CDH17: variants seen among roughly 807,000 people sequenced by gnomAD.
CDH17 encodes cadherin 17, also known as cadherin-17.
In CDH17, 67 loss-of-function variants were observed where a neutral mutation model predicts 86.3. The observed-to-expected ratio is 0.78, with a 90% CI of 0.64 to 0.95. The LOEUF (loss-of-function observed/expected upper bound fraction) is 0.95. CDH17 is among the 40% of genes least tolerant of loss of function. CDH17 has a pLI of 0.00. For missense variants in CDH17, 993 were observed against 1,017.6 expected, an observed-to-expected ratio of 0.98 and a Z score of 0.33; for synonymous variants, 367 against 366.4, an observed-to-expected ratio of 1.00 and a Z score of -0.02.
At chr8:94,201,504 A>C (rs111528745) in intron 1 of CDH17, among the ~76,000 whole-genome samples, 110 of 152,336 alleles carry the variant, frequency 7.2e-4, no homozygotes, top group Middle Eastern at 6.8e-3. Flanking sequence ...CACTGTGTGA[A>C]TGTACAGACA....
intron 15 of CDH17, among the ~76,000 whole-genome samples, chr8:94,145,704 C>T (rs1018240786): frequency 6.6e-6 from 1 of 151,710 alleles, no homozygotes; most frequent in African/African-American, 2.4e-5. Flanking sequence ...TCCAACTGTT[C>T]ATCTACACCA....
chr8:94,144,653 G>T (rs944252611), intron 15 of CDH17, among the ~76,000 whole-genome samples: 2 of 151,760 alleles, frequency 1.3e-5, no homozygotes, highest in African/African-American at 4.9e-5. Context: ...TACAAATCAT[G>T]AATAAAACAT....
intron 15 of CDH17, among the ~76,000 whole-genome samples, chr8:94,140,369 G>A (rs777745930): frequency 1.3e-5 from 2 of 152,146 alleles, no homozygotes; most frequent in Non-Finnish European, 2.9e-5. Flanking sequence ...ATTCAAGGCT[G>A]CAGTAAGCCA....
At position 94,171,122 on chromosome 8, in the gene CDH17, G is replaced by T. The variant is rs148660893; in HGVS notation, c.784-137C>A. ...TGGTTTCTTGTAACAACTGAATTAC[G>T]TTTTTCACTTTTAACCTAAAATAAG... On this transcript the variant is annotated intron_variant, in intron 7 of 17. Coordinates refer to ENST00000027335, the MANE Select transcript of CDH17 (RefSeq NM_004063.4). 17 of 873,972 alleles carry T rather than the reference G, an allele frequency of 1.9e-5. No homozygotes were observed. In the South Asian group the frequency reaches 3.9e-4, roughly 20 times the overall value. 54.1% of individuals were successfully genotyped at this position (873,972 alleles called of 1,614,324 possible).
intron 10 of CDH17, among the ~76,000 whole-genome samples, chr8:94,162,841 T>G (rs1813081093): frequency 6.6e-6 from 1 of 151,948 alleles, no homozygotes; most frequent in Non-Finnish European, 1.5e-5. Context: ...GTGTGTGGAG[T>G]GCAGGTGGGG....
At position 94,128,242 on chromosome 8, in the gene CDH17, A is replaced by G. The variant is rs1812339041; in HGVS notation, c.2497T>C (p.Ter833ArgextTer2). 1 of 1,599,276 alleles carries G rather than the reference A, an allele frequency of 6.3e-7. No individual in the cohort carries two copies. Among genetic ancestry groups the G allele is most frequent in the Non-Finnish European group, 8.6e-7 (1 of 1,167,064 alleles). The part of the protein sequence containing the change: ...QASEVKPLRS[*>R] ...AATTCAAACATTCCTTTTCAAATTC[A>G]GCTTCTCAGAGGTTTGACTTCAGAT... The change falls in exon 18 of 18, where the codon TGA becomes CGA. Residue 833 changes from the stop codon to arginine (R), a stop_lost. Transcript: ENST00000027335.
intron 12 of CDH17, among the ~76,000 whole-genome samples, chr8:94,153,975 T>G (rs1812903236): frequency 6.6e-6 from 1 of 152,228 alleles, no homozygotes; most frequent in Non-Finnish European, 1.5e-5. Context: ...TACAACGTGG[T>G]ACTATAGTTA....
intron 11 of CDH17, among the ~76,000 whole-genome samples, chr8:94,161,496 G>A (rs749659122): frequency 1.3e-5 from 2 of 152,150 alleles, no homozygotes; most frequent in Admixed American, 6.5e-5. Flanking sequence ...TCATCACCAA[G>A]TCTGAACGCC....
At chr8:94,173,262 G>T (rs1813303750) in intron 7 of CDH17, among the ~76,000 whole-genome samples, 2 of 152,170 alleles carry the variant, frequency 1.3e-5, no homozygotes, top group South Asian at 2.1e-4. Flanking sequence ...GTGAGGCCCA[G>T]TGGGAGGTGG....
intron 15 of CDH17, among the ~76,000 whole-genome samples, chr8:94,145,589 A>G (rs1812725489): frequency 6.6e-6 from 1 of 152,134 alleles, no homozygotes; most frequent in Non-Finnish European, 1.5e-5. Flanking sequence ...ATTCTCATAA[A>G]ATTGTATACT....
intron 11 of CDH17, among the ~76,000 whole-genome samples, chr8:94,161,268 A>G (rs1813046167): frequency 6.6e-6 from 1 of 152,216 alleles, no homozygotes; most frequent in Non-Finnish European, 1.5e-5. Context: ...TGCCTGTTAT[A>G]CAAGACATAT....
chr8:94,132,973 T>C (rs919893585), intron 15 of CDH17, among the ~76,000 whole-genome samples: 11 of 152,194 alleles, frequency 7.2e-5, no homozygotes. Context: ...GATCACATGA[T>C]TGTACATGTG....
chr8:94,151,563 T>C (rs1812856503), intron 13 of CDH17, among the ~76,000 whole-genome samples: 1 of 152,182 alleles, frequency 6.6e-6, no homozygotes, highest in African/African-American at 2.4e-5. Flanking sequence ...GCCTGGTTAT[T>C]CTAGTCTCTC....
rs373824927 is a variant in CDH17 at position 94,187,269 on chromosome 8, C to T, written c.150+1918G>A. Among the ~76,000 whole-genome samples, 36 of 152,336 alleles carry T rather than the reference C, an allele frequency of 2.4e-4. No individual in the cohort carries two copies. The South Asian group carries it at 6.2e-3, about 26-fold the overall frequency. On this transcript the variant is annotated intron_variant, in intron 3 of 17. Coordinates refer to ENST00000027335, the MANE Select transcript of CDH17 (RefSeq NM_004063.4). Reference sequence around the variant, plus strand: ...AACATAAACAAATAAAAATCAGTCACTCTTTCTTAGTTTACCCTCTGCCCC... The same window carrying T: ...AACATAAACAAATAAAAATCAGTCATTCTTTCTTAGTTTACCCTCTGCCCC...
At chr8:94,170,216 C>A (rs1366267187) in intron 9 of CDH17, among the ~76,000 whole-genome samples, 181 bp downstream of exon 9, 1 of 152,092 alleles carries the variant, frequency 6.6e-6, no homozygotes, top group African/African-American at 2.4e-5. Context: ...TTTAAGAATA[C>A]TATCCAGATA....
intron 3 of CDH17, among the ~76,000 whole-genome samples, chr8:94,182,664 A>G (rs891458852): frequency 6.6e-6 from 1 of 152,148 alleles, no homozygotes; most frequent in African/African-American, 2.4e-5. Context: ...ATTGTACTTA[A>G]TGGTGAAAGA....
chr8:94,186,244 G>T (rs1241798862), intron 3 of CDH17, among the ~76,000 whole-genome samples: 1 of 152,024 alleles, frequency 6.6e-6, no homozygotes. Context: ...TAAATCTTTT[G>T]CTGTACTCTC....
Position 94,130,683 on chromosome 8 carries a change from C to T in CDH17, c.2341G>A (p.Gly781Arg). ...ACTGCCATGCCCACAGTGGGTATCC[C>T]AGTCTGGTGACCTGCTGGCCGGAAA... ...SCFRPAGHQT[G>R]IPTVGMAVGI... Residue 781 changes from glycine to arginine, a missense_variant, in exon 17 of 18, where the codon GGG (glycine) becomes AGG (arginine). Coordinates refer to ENST00000027335, the MANE Select transcript of CDH17 (RefSeq NM_004063.4). The T allele has an allele frequency of 2.5e-6, 4 of 1,614,000 alleles. No homozygotes were observed. The South Asian group carries it at 4.4e-5, about 18-fold the overall frequency.
intron 15 of CDH17, among the ~76,000 whole-genome samples, chr8:94,138,385 A>G (rs1386702492): frequency 6.6e-6 from 1 of 152,224 alleles, no homozygotes; most frequent in Non-Finnish European, 1.5e-5. Context: ...AAAGCAAATG[A>G]GGTAAATTTT....
Sources: allele counts gnomAD v4.1 joint callset (sites outside exome capture counted in the v4.1 genomes callset), GRCh38; gene constraint gnomAD v4.1.1; transcripts MANE v1.5; gene names NCBI Gene and HGNC (gene_info 2026-07-23, HGNC 2026-07-21).